Variants in MBTPS1 observed in about 807,000 individuals in gnomAD.
The protein encoded by MBTPS1 is membrane bound transcription factor peptidase, site 1.
MBTPS1 carries 94 observed loss-of-function variants against 127.8 expected under a neutral mutation model. The observed-to-expected ratio is 0.74, with a 90% confidence interval of 0.62 to 0.87. The LOEUF (loss-of-function observed/expected upper bound fraction) is 0.87. MBTPS1 is among the 40% of genes least tolerant of loss of function. MBTPS1 has a pLI of 0.00. For missense variants in MBTPS1, 1,636 were observed against 1,353.2 expected, an observed-to-expected ratio of 1.21 and a Z score of -3.28; for synonymous variants, 632 against 509.4, an observed-to-expected ratio of 1.24 and a Z score of -3.24.
At chr16:84,095,267 G>A (rs969749045) in intron 4 of MBTPS1, among the ~76,000 whole-genome samples, 29 of 152,330 alleles carry the variant, frequency 1.9e-4, no homozygotes, top group African/African-American at 2.2e-4. Flanking sequence ...GGCCGGCAGC[G>A]CTGTGCTCGT....
At chr16:84,085,582 A>C (rs1553819) in intron 9 of MBTPS1, among the ~76,000 whole-genome samples, 56,487 of 79,542 alleles carry the variant, frequency 0.71, 17,245 homozygotes, top group East Asian at 0.8. Context: ...CCCCCCCCCC[A>C]AAAAAAAAGA....
chr16:84,096,515 G>A (rs2086181960), intron 3 of MBTPS1, among the ~76,000 whole-genome samples: 1 of 152,038 alleles, frequency 6.6e-6, no homozygotes, highest in African/African-American at 2.4e-5. Flanking sequence ...GAGGAAAAAG[G>A]CAGTACCACA....
intron 1 of MBTPS1, among the ~76,000 whole-genome samples, chr16:84,102,402 C>G (rs573169167): frequency 5.3e-5 from 8 of 152,222 alleles, no homozygotes; most frequent in African/African-American, 1.9e-4. Flanking sequence ...AACCATGAAA[C>G]ATATTATTTC....
intron 8 of MBTPS1, among the ~76,000 whole-genome samples, chr16:84,089,682 C>T (rs890046260): frequency 1.3e-5 from 2 of 152,186 alleles, no homozygotes; most frequent in East Asian, 1.9e-4. Flanking sequence ...AGAGAAGTGA[C>T]GGTGCCTCAG....
At chr16:84,056,186 T>C in intron 21 of MBTPS1, 51 bp from the exon 22 acceptor site, 1 of 1,494,528 alleles carries the variant, frequency 6.7e-7, no homozygotes, top group Non-Finnish European at 9.3e-7. Context: ...TGTACTAGTC[T>C]AGGTACTAGT....
rs186462795 is a variant in MBTPS1 at position 84,095,508 on chromosome 16, G to T, written c.625+94C>A. 1.6e-4 allele frequency: 217 copies of T among 1,349,890 alleles called. 1 individual carries two copies. In the East Asian group the frequency reaches 4.7e-3, roughly 29 times the overall value. The allele number at this position is 1,349,890 out of a possible 1,614,324, so 83.6% of individuals were successfully genotyped here. A position where few individuals can be genotyped will look rare whatever the true frequency, so the allele number is the denominator to read the frequency against. On this transcript the variant is annotated intron_variant, in intron 4 of 22. Coordinates refer to ENST00000343411, the MANE Select transcript of MBTPS1 (RefSeq NM_003791.4). The stretch of plus-strand genomic sequence containing the variant: ...TTAGCACTAGGCAGTCCCGAACATG[G>T]AATTCCTGCATGTCTGGACTTTCCG...
intron 7 of MBTPS1, 55 bp downstream of exon 7, chr16:84,091,677 G>T: frequency 8.3e-7 from 1 of 1,203,296 alleles, no homozygotes; most frequent in Non-Finnish European, 1.2e-6. Flanking sequence ...GCAAAGTTGG[G>T]CTGCGAAAGA....
intron 2 of MBTPS1, among the ~76,000 whole-genome samples, chr16:84,100,918 G>A (rs918224499): frequency 6.6e-6 from 1 of 150,638 alleles, no homozygotes; most frequent in African/African-American, 2.5e-5. Context: ...ACTTTGGGAG[G>A]CCAAGGAGGG....
At chr16:84,055,732 ATGT>A (rs2151137874) in intron 22 of MBTPS1, among the ~76,000 whole-genome samples, 1 of 152,394 alleles carries the variant, frequency 6.6e-6, no homozygotes, top group East Asian at 1.9e-4. Context: ...TACTTTGAAC[ATGT>A]TTAAGTAGAT....
intron 12 of MBTPS1, 36 bp downstream of exon 12, chr16:84,074,561 C>A: frequency 6.2e-7 from 1 of 1,604,932 alleles, no homozygotes; most frequent in South Asian, 1.1e-5. Flanking sequence ...CTAAGTTCAC[C>A]ATCAAGTCAG....
intron 1 of MBTPS1, among the ~76,000 whole-genome samples, chr16:84,105,828 T>C (rs1007199226): frequency 6.6e-6 from 1 of 152,070 alleles, no homozygotes; most frequent in African/African-American, 2.4e-5. Flanking sequence ...ACTCATCTAG[T>C]GAGAAACTAC....
chr16:84,071,151 A>T (rs975817534), intron 12 of MBTPS1, among the ~76,000 whole-genome samples: 5 of 152,224 alleles, frequency 3.3e-5, no homozygotes, highest in Non-Finnish European at 5.9e-5. Flanking sequence ...TGTATGCTTT[A>T]AAAAAATCCC....
At chr16:84,069,774 T>C (rs1415634263) in intron 14 of MBTPS1, 92 bp downstream of exon 14, 1 of 1,217,400 alleles carries the variant, frequency 8.2e-7, no homozygotes, top group East Asian at 2.4e-5. Context: ...CACGAGAAGC[T>C]GAGCAACATC....
chr16:84,062,930 C>G (rs958174534), intron 19 of MBTPS1, among the ~76,000 whole-genome samples: 1 of 152,208 alleles, frequency 6.6e-6, no homozygotes, highest in African/African-American at 2.4e-5. Flanking sequence ...AGGGCGCCCC[C>G]TCGTGGCAGT....
At chr16:84,088,992 G>A (rs16962778) in intron 8 of MBTPS1, among the ~76,000 whole-genome samples, 9,679 of 152,258 alleles carry the variant, frequency 0.064, 445 homozygotes, top group African/African-American at 0.12. Flanking sequence ...CACAACTCTG[G>A]TAAGAAGCTA....
Position 84,054,542 on chromosome 16 carries a change from G to A in MBTPS1, c.3066C>T (p.Asn1022=). Residue 1022 remains asparagine, a synonymous_variant, in exon 23 of 23, where the codon AAC becomes AAT. Transcript: ENST00000343411. ...VVLAFFVVQI[N]KAKSRPKRRK... ...TCCGCTTCGGCCTGCTCTTGGCCTT[G>A]TTGATTTGTACCACAAAGAAGGCCA... The A allele has an allele frequency of 1.2e-6, 2 of 1,614,036 alleles. No individual in the cohort carries two copies. Among genetic ancestry groups the A allele is most frequent in the Non-Finnish European group, 1.7e-6 (2 of 1,179,962 alleles).
chr16:84,096,504 G>A (rs565407981), intron 3 of MBTPS1, among the ~76,000 whole-genome samples: 7 of 152,266 alleles, frequency 4.6e-5, no homozygotes, highest in Non-Finnish European at 5.9e-5. Context: ...TTTAAAAAGC[G>A]GAGGAAAAAG....
At chr16:84,091,237 G>A (rs955305709) in intron 7 of MBTPS1, among the ~76,000 whole-genome samples, 8 of 152,146 alleles carry the variant, frequency 5.3e-5, no homozygotes, top group African/African-American at 1.9e-4. Flanking sequence ...TGTAATCCCA[G>A]CACTTTGAAA....
At chr16:84,070,959 G>A (rs80318204) in intron 12 of MBTPS1, among the ~76,000 whole-genome samples, 183 bp from the exon 13 acceptor site, 1,813 of 152,220 alleles carry the variant, frequency 0.012, 49 homozygotes, top group African/African-American at 0.041. Flanking sequence ...GGACTGCCTC[G>A]GACGTATCAC....
Sources: allele counts gnomAD v4.1 joint callset (sites outside exome capture counted in the v4.1 genomes callset), GRCh38; gene constraint gnomAD v4.1.1; transcripts MANE v1.5; gene names NCBI Gene and HGNC (gene_info 2026-07-23, HGNC 2026-07-21).